The following LMF1 variants were observed in gnomAD, a reference collection of about 807,000 sequenced individuals.
LMF1 encodes lipase maturation factor 1, also known as transmembrane protein 112.
In LMF1, 68 loss-of-function variants were observed where a neutral mutation model predicts 60.6. The ratio of observed to expected loss-of-function variants is 1.12; its 90% confidence interval spans 0.92 to 1.37. The LOEUF is 1.37. Ranked by LOEUF, LMF1 falls within the 40% of genes most tolerant of loss-of-function variation. LMF1 has a pLI of 0.00. For missense variants in LMF1, 948 were observed against 767.2 expected (o/e 1.24, Z -2.78); for synonymous variants, 418 against 324.7 (o/e 1.29, Z -3.09).
At chr16:859,075 G>A (rs2069326601) in intron 10 of LMF1, among the ~76,000 whole-genome samples, 1 of 121,868 alleles carries the variant, frequency 8.2e-6, no homozygotes, top group Non-Finnish European at 1.7e-5. Flanking sequence ...GTCACGGGAC[G>A]GGTGTGAGTG....
intron 1 of LMF1, among the ~76,000 whole-genome samples, chr16:958,404 C>A (rs1555477598): frequency 2.6e-5 from 4 of 152,046 alleles, no homozygotes; most frequent in Non-Finnish European, 5.9e-5. Context: ...AATTAGAAAA[C>A]AAACAACCCA....
intron 5 of LMF1, among the ~76,000 whole-genome samples, chr16:883,436 G>A (rs887438638): frequency 6.6e-6 from 1 of 152,270 alleles, no homozygotes; most frequent in African/African-American, 2.4e-5. Flanking sequence ...GAGGCTTGGG[G>A]TGTGTTGGGC....
chr16:863,019 A>C (rs975113626), intron 10 of LMF1, among the ~76,000 whole-genome samples: 5 of 152,312 alleles, frequency 3.3e-5, no homozygotes, highest in African/African-American at 1.2e-4. Context: ...TTATAGGGCT[A>C]TTTAAATTAT....
intron 3 of LMF1, chr16:931,565 G>A: frequency 5.8e-6 from 7 of 1,207,110 alleles, no homozygotes; most frequent in Non-Finnish European, 7.6e-6. Flanking sequence ...AGCCTCCCCA[G>A]AGGTCTCAGA....
chr16:914,457 G>A (rs534798342), intron 3 of LMF1, among the ~76,000 whole-genome samples: 144 of 150,104 alleles, frequency 9.6e-4, no homozygotes, highest in African/African-American at 1.5e-3. Context: ...CCTGAGCCCC[G>A]TGATCGCTCC....
chr16:906,336 T>C (rs1196078144), intron 4 of LMF1, among the ~76,000 whole-genome samples: 3 of 152,202 alleles, frequency 2.0e-5, no homozygotes, highest in African/African-American at 4.8e-5. Context: ...CCAGAGGAGA[T>C]TCCTGTTTGG....
chr16:963,424 GT>G (rs2072855749), intron 1 of LMF1, among the ~76,000 whole-genome samples: 4 of 152,076 alleles, frequency 2.6e-5, no homozygotes, highest in African/African-American at 9.7e-5. Flanking sequence ...ATGTGCACAT[GT>G]ATACATGTGC....
intron 10 of LMF1, among the ~76,000 whole-genome samples, chr16:861,826 C>T (rs901848130): frequency 6.6e-6 from 1 of 152,142 alleles, no homozygotes; most frequent in Non-Finnish European, 1.5e-5. Flanking sequence ...ATGCCGGATC[C>T]GATGGTTAGA....
Position 893,089 on chromosome 16 carries a change from A to G in LMF1, c.664-17T>C. ...GATCAGGCCCTGCAAGGAAGAGAGC[A>G]GAGGGAGAGTCAGTCACAGGGGCTG... On this transcript the variant is annotated splice_polypyrimidine_tract_variant and intron_variant, in intron 4 of 10. Coordinates refer to ENST00000262301, the MANE Select transcript of LMF1 (RefSeq NM_022773.4). The G allele has an allele frequency of 6.4e-7, 1 of 1,551,618 alleles. No homozygotes were observed.
At chr16:862,281 T>C (rs1293986642) in intron 10 of LMF1, among the ~76,000 whole-genome samples, 1 of 151,814 alleles carries the variant, frequency 6.6e-6, no homozygotes, top group Admixed American at 6.6e-5. Context: ...GTAGTTGGGA[T>C]TATAGGCAGC....
chr16:883,830 T>TTTGA, intron 5 of LMF1: 1 of 152,348 alleles, frequency 6.6e-6, no homozygotes, highest in Non-Finnish European at 1.5e-5. Flanking sequence ...TATTGATCAC[T>TTTGA]TTGATTGTAG....
At position 869,958 on chromosome 16, in the gene LMF1, G is replaced by A. The variant is rs1234727949; in HGVS notation, c.1341C>T (p.Asp447=). 1.2e-6 allele frequency: 2 copies of A among 1,613,256 alleles called. No individual in the cohort carries two copies. Among genetic ancestry groups the A allele is most frequent in the Admixed American group, 1.7e-5 (1 of 59,996 alleles). The change falls in exon 9 of 11, where the codon GAC becomes GAT. Residue 447 remains aspartate (D), a synonymous_variant. Transcript: ENST00000262301. ...EDYEFKCKPG[D]PSRRPCLISP... ...AGATGAGGCAGGGCCGTCTGCTGGG[G>A]TCACCTGGCTTGCACTTGAACTCGT... is the stretch of plus-strand genomic sequence containing the variant.
At chr16:976,351 T>C (rs1296207021) in intron 1 of LMF1, 2 of 453,982 alleles carry the variant, frequency 4.4e-6, no homozygotes, top group South Asian at 1.6e-5. Context: ...CGATCTGTAG[T>C]CCAGGTGTCT....
chr16:898,165 C>T (rs554123058), intron 4 of LMF1, among the ~76,000 whole-genome samples: 18 of 152,380 alleles, frequency 1.2e-4, no homozygotes, highest in East Asian at 3.9e-4. Flanking sequence ...CCCTCAGACA[C>T]GCAGCTGACT....
chr16:935,355 T>C (rs2071909640), intron 2 of LMF1, among the ~76,000 whole-genome samples: 1 of 152,060 alleles, frequency 6.6e-6, no homozygotes, highest in African/African-American at 2.4e-5. Context: ...TCCACCTCCC[T>C]AAGTGCTGGG....
chr16:971,022 G>A, upstream of LMF1: 5 of 1,380,104 alleles, frequency 3.6e-6, no homozygotes, highest in South Asian at 8.0e-5. Context: ...CCCATTCTCG[G>A]AGGCCCCGCC....
In LMF1 at chr16:932,000, C is replaced by T. The variant is rs375875885; in HGVS notation, c.514+2244G>A. Among the ~76,000 whole-genome samples, 860 of 152,344 alleles carry T rather than the reference C, an allele frequency of 5.6e-3. 11 individuals carry two copies. The highest frequency in any genetic ancestry group is 0.02 in the African/African-American group (813 of 41,582). On this transcript the variant is annotated intron_variant, in intron 3 of 10. Transcript: ENST00000262301. ...GACTTCCCTGGGCTGGGAGCGCAAG[C>T]GCAGCCCCCGACGGCGGCCACACAG...
intron 2 of LMF1, among the ~76,000 whole-genome samples, chr16:937,923 G>A (rs1279978378): frequency 1.3e-5 from 2 of 151,532 alleles, no homozygotes; most frequent in Non-Finnish European, 2.9e-5. Flanking sequence ...GTCTGCAGCT[G>A]ATCCTGAACC....
chr16:900,732 T>TG (rs2070790147), intron 4 of LMF1: 1 of 146,940 alleles, frequency 6.8e-6, no homozygotes, highest in Non-Finnish European at 1.5e-5. Context: ...TGTGTGTGTG[T>TG]TTTAGTACAG....
Sources: allele counts gnomAD v4.1 joint callset (sites outside exome capture counted in the v4.1 genomes callset), GRCh38; gene constraint gnomAD v4.1.1; transcripts MANE v1.5; gene names NCBI Gene and HGNC (gene_info 2026-07-23, HGNC 2026-07-21).